The following DENND2A variants were observed in gnomAD, a reference collection of about 807,000 sequenced individuals.
DENND2A encodes DENN domain containing 2A.
DENND2A carries 53 observed loss-of-function variants against 105.3 expected under a neutral mutation model. That is an observed-to-expected ratio of 0.50 (90% CI 0.40 to 0.63). The LOEUF (loss-of-function observed/expected upper bound fraction) is 0.63. Among genes scored for constraint, DENND2A ranks in the 30% least tolerant of loss-of-function variants. DENND2A has a pLI of 0.00. For synonymous variants in DENND2A, 522 were observed against 508.4 expected (o/e 1.03, Z -0.36); for missense variants, 1,138 against 1,279.6 (o/e 0.89, Z 1.69).
chr7:140,589,257 A>C (rs976271085), intron 3 of DENND2A, among the ~76,000 whole-genome samples: 1 of 152,222 alleles, frequency 6.6e-6, no homozygotes, highest in Non-Finnish European at 1.5e-5. Context: ...AAACTAAAAC[A>C]GGCTGAATTT....
chr7:140,586,372 C>T (rs922751118), intron 4 of DENND2A, among the ~76,000 whole-genome samples: 2 of 119,736 alleles, frequency 1.7e-5, no homozygotes, highest in Non-Finnish European at 3.2e-5. Context: ...AGAAAACACA[C>T]ACACACACAC....
At chr7:140,569,313 G>C (rs1410991579) in intron 7 of DENND2A, among the ~76,000 whole-genome samples, 1 of 152,154 alleles carries the variant, frequency 6.6e-6, no homozygotes, top group Non-Finnish European at 1.5e-5. Flanking sequence ...AGTTCAGATG[G>C]TACTAGATGG....
intron 9 of DENND2A, among the ~76,000 whole-genome samples, chr7:140,563,163 G>A (rs939500569): frequency 6.6e-6 from 1 of 152,196 alleles, no homozygotes; most frequent in Non-Finnish European, 1.5e-5. Context: ...CAGCATTCAG[G>A]ACTGAAGAGC....
intron 5 of DENND2A, among the ~76,000 whole-genome samples, chr7:140,581,125 C>T (rs939428445): frequency 1.3e-5 from 2 of 151,956 alleles, no homozygotes; most frequent in Admixed American, 6.6e-5. Flanking sequence ...AATTAGCCGG[C>T]ACAGTGGCCT....
At position 140,518,679 on chromosome 7, in the gene DENND2A, G is replaced by T; in HGVS notation, c.*28C>A. On this transcript the variant is annotated 3_prime_UTR_variant, in exon 20 of 20. Coordinates refer to ENST00000496613, the MANE Select transcript of DENND2A (RefSeq NM_015689.5). ...GTTTTTAAAGCATAGGGCTGCACTA[G>T]GAGGAAGTTTTCCCTTGAGGCTGAG... The T allele has an allele frequency of 6.2e-7, 1 of 1,610,310 alleles. No homozygotes were observed. Among genetic ancestry groups the T allele is most frequent in the South Asian group, 1.1e-5 (1 of 90,978 alleles).
At chr7:140,588,763 G>A (rs1798889566) in intron 3 of DENND2A, among the ~76,000 whole-genome samples, 1 of 130,580 alleles carries the variant, frequency 7.7e-6, no homozygotes, top group Admixed American at 7.7e-5. Context: ...ACTTTTTTTG[G>A]CACTTTTTTT....
intron 1 of DENND2A, among the ~76,000 whole-genome samples, chr7:140,629,855 TCTC>T (rs1363042322): frequency 6.7e-6 from 1 of 149,650 alleles, no homozygotes; most frequent in Non-Finnish European, 1.5e-5. Context: ...TTTCTTTCTC[TCTC>T]TTTTTTTTTT....
At chr7:140,629,976 G>A (rs1356762996) in intron 1 of DENND2A, among the ~76,000 whole-genome samples, 2 of 150,998 alleles carry the variant, frequency 1.3e-5, no homozygotes, top group Non-Finnish European at 2.9e-5. Context: ...TGCTGCCTCA[G>A]CCTCCCGAGT....
chr7:140,601,651 G>A lies in DENND2A; in HGVS notation c.747C>T (p.Asn249=), dbSNP rs1297660931. The A allele has an allele frequency of 9.3e-6, 15 of 1,612,800 alleles. No homozygotes were observed. The highest frequency in any genetic ancestry group is 2.2e-5 in the East Asian group (1 of 44,862). Residue 249 remains asparagine (N), a synonymous_variant, in exon 3 of 20, where the codon AAC becomes AAT. Transcript: ENST00000496613. ...GGGAACCCTCCGAGCCCCTATACAC[G>A]TTCTCAAGGCTCCGGTCCCAGGGCC... is the stretch of plus-strand genomic sequence containing the variant. ...CRRPWDRSLE[N]VYRGSEGSPT...
At chr7:140,597,107 AAG>A (rs1046590674) in intron 3 of DENND2A, among the ~76,000 whole-genome samples, 2 of 152,192 alleles carry the variant, frequency 1.3e-5, no homozygotes, top group African/African-American at 4.8e-5. Flanking sequence ...AAAGGAAGGA[AAG>A]AGAAGAGGAG....
intron 1 of DENND2A, among the ~76,000 whole-genome samples, chr7:140,618,812 T>G (rs1319051804): frequency 3.9e-5 from 6 of 152,176 alleles, no homozygotes; most frequent in Non-Finnish European, 1.5e-5. Flanking sequence ...CTTTTTTTTT[T>G]TCTTTTTCTG....
chr7:140,536,788 G>A (rs1187573464), intron 14 of DENND2A, among the ~76,000 whole-genome samples: 1 of 152,066 alleles, frequency 6.6e-6, no homozygotes, highest in African/African-American at 2.4e-5. Context: ...TCAGCCTTCT[G>A]AGTAGCTGGG....
At position 140,552,627 on chromosome 7, in the gene DENND2A, G is replaced by A. The variant is rs142116055; in HGVS notation, c.2037+3009C>T. On this transcript the variant is annotated intron_variant, in intron 12 of 19. Coordinates refer to ENST00000496613, the MANE Select transcript of DENND2A (RefSeq NM_015689.5). ...TGCCTAGTCTGCTCTTGAACTCGTG[G>A]GCTCAAGCGATCCTCCCACCTTGGC... 2.1e-3 allele frequency among the ~76,000 whole-genome samples: 323 copies of A among 152,058 alleles called. 1 individual carries two copies. Among genetic ancestry groups the A allele is most frequent in the African/African-American group, 7.6e-3 (316 of 41,480 alleles).
chr7:140,540,296 T>C (rs1001138840), intron 14 of DENND2A, among the ~76,000 whole-genome samples: 1 of 152,254 alleles, frequency 6.6e-6, no homozygotes, highest in African/African-American at 2.4e-5. Context: ...AAACCCCTGA[T>C]GGGCACAACG....
At chr7:140,551,373 G>C (rs111329703) in intron 12 of DENND2A, among the ~76,000 whole-genome samples, 1,742 of 151,890 alleles carry the variant, frequency 0.011, 41 homozygotes, top group African/African-American at 0.04. Flanking sequence ...GGCAGAACGA[G>C]GCAGAAGCGT....
intron 1 of DENND2A, among the ~76,000 whole-genome samples, chr7:140,614,136 C>T (rs1465364004): frequency 6.6e-6 from 1 of 152,084 alleles, no homozygotes; most frequent in African/African-American, 2.4e-5. Context: ...GACAGAATCA[C>T]TCTGTCACCC....
At chr7:140,518,884 G>A (rs935052867) in intron 19 of DENND2A, 146 bp from the exon 20 acceptor site, 3 of 681,316 alleles carry the variant, frequency 4.4e-6, no homozygotes, top group Non-Finnish European at 7.7e-6. Context: ...AGAAGCCAAA[G>A]GGGCTTTGTT....
chr7:140,545,866 C>A (rs1392196707), intron 13 of DENND2A, among the ~76,000 whole-genome samples: 1 of 152,186 alleles, frequency 6.6e-6, no homozygotes, highest in Non-Finnish European at 1.5e-5. Flanking sequence ...CCTGCTACAT[C>A]CCCATGGCCA....
intron 1 of DENND2A, among the ~76,000 whole-genome samples, chr7:140,636,559 C>T (rs948846726): frequency 6.6e-6 from 1 of 152,066 alleles, no homozygotes; most frequent in Non-Finnish European, 1.5e-5. Context: ...GCTCTCTATA[C>T]GTGACTGCTA....
Sources: gnomAD v4.1 joint callset for allele counts (sites outside exome capture counted in the v4.1 genomes callset) on GRCh38, gnomAD v4.1.1 for gene constraint, MANE v1.5 for transcripts, NCBI Gene and HGNC (gene_info 2026-07-23, HGNC 2026-07-21) for gene names.